The following GRIN2B variants were observed in gnomAD, a reference collection of about 807,000 sequenced individuals.
The protein encoded by GRIN2B is glutamate receptor ionotropic, NMDA 2B.
Under a neutral mutation model 114.5 loss-of-function variants are expected in GRIN2B, and 5 were observed. The ratio of observed to expected loss-of-function variants is 0.04; its 90% CI spans 0.02 to 0.09. The LOEUF (loss-of-function observed/expected upper bound fraction) is 0.09. Among genes scored for constraint, GRIN2B ranks in the 10% least tolerant of loss-of-function variants. The pLI is 1.00. For synonymous variants in GRIN2B, 787 were observed against 745.1 expected, an observed-to-expected ratio of 1.06 and a Z score of -0.92; for missense variants, 1,108 against 1,943.5, an observed-to-expected ratio of 0.57 and a Z score of 8.08.
At chr12:13,809,360 T>G (rs898448346) in intron 3 of GRIN2B, among the ~76,000 whole-genome samples, 3 of 152,210 alleles carry the variant, frequency 2.0e-5, no homozygotes, top group African/African-American at 7.2e-5. Context: ...GTACTAAGCA[T>G]GTGGACATAA....
intron 2 of GRIN2B, among the ~76,000 whole-genome samples, chr12:13,870,314 G>A (rs1427136465): frequency 1.3e-5 from 2 of 152,074 alleles, no homozygotes; most frequent in Non-Finnish European, 2.9e-5. Context: ...CAGAAACCAG[G>A]GTGCACCAGA....
At position 13,563,719 on chromosome 12, in the gene GRIN2B, A is replaced by G. The variant is rs1948587348; in HGVS notation, c.3519T>C (p.Cys1173=). The change falls in exon 14 of 14, where the codon TGT becomes TGC. Residue 1173 remains cysteine (C), a synonymous_variant. Transcript: ENST00000609686. ...KRDSVSGGGP[C]TNRSHIKHGT... ...CGTGCTTGATGTGAGACCTGTTGGT[A>G]CAGGGCCCTCCTCCGCTGACGGAGT... is the stretch of plus-strand genomic sequence containing the variant. The G allele has an allele frequency of 1.9e-6, 3 of 1,613,688 alleles. No individual in the cohort carries two copies. The African/African-American group carries it at 4.0e-5, about 21-fold the overall frequency.
At chr12:13,690,576 T>A (rs999664822) in intron 4 of GRIN2B, among the ~76,000 whole-genome samples, 3 of 152,194 alleles carry the variant, frequency 2.0e-5, no homozygotes, top group Non-Finnish European at 2.9e-5. Flanking sequence ...TCCCTTTTGA[T>A]GTTTTTCTCA....
intron 3 of GRIN2B, among the ~76,000 whole-genome samples, chr12:13,812,930 A>ATTT (rs34773248): frequency 0.089 from 10,516 of 118,224 alleles, 571 homozygotes; most frequent in South Asian, 0.16. Flanking sequence ...AGTTTTGGGA[A>ATTT]TTTTTTTTTT....
chr12:13,885,551 C>T (rs1459449058), intron 2 of GRIN2B, among the ~76,000 whole-genome samples: 2 of 152,110 alleles, frequency 1.3e-5, no homozygotes, highest in South Asian at 2.1e-4. Flanking sequence ...TGTGTTCTTC[C>T]CTCACTGCCC....
chr12:13,858,667 CTTTT>C (rs142849157), intron 3 of GRIN2B, among the ~76,000 whole-genome samples: 2 of 151,972 alleles, frequency 1.3e-5, no homozygotes, highest in African/African-American at 4.8e-5. Flanking sequence ...TAATAATTCA[CTTTT>C]TTTTAACATA....
intron 2 of GRIN2B, among the ~76,000 whole-genome samples, chr12:13,930,720 C>A (rs1196525612): frequency 6.6e-6 from 1 of 152,148 alleles, no homozygotes; most frequent in East Asian, 1.9e-4. Context: ...TGACATCAAT[C>A]CCCGAGTGAC....
At chr12:13,599,931 C>T (rs1949132312) in intron 10 of GRIN2B, among the ~76,000 whole-genome samples, 1 of 152,212 alleles carries the variant, frequency 6.6e-6, no homozygotes, top group Admixed American at 6.5e-5. Context: ...CATTCCAAAT[C>T]TGAAAGGACA....
intron 5 of GRIN2B, among the ~76,000 whole-genome samples, chr12:13,639,469 C>T (rs984715142): frequency 2.0e-5 from 3 of 152,158 alleles, no homozygotes; most frequent in Non-Finnish European, 4.4e-5. Flanking sequence ...TAGGTCACTT[C>T]TCAACGTTCA....
chr12:13,775,795 G>A (rs1308558347), intron 3 of GRIN2B, among the ~76,000 whole-genome samples: 1 of 152,090 alleles, frequency 6.6e-6, no homozygotes, highest in African/African-American at 2.4e-5. Context: ...TAGGATTACA[G>A]GGAGGCTAAA....
chr12:13,931,550 T>C (rs1775826344), intron 2 of GRIN2B, among the ~76,000 whole-genome samples: 1 of 152,208 alleles, frequency 6.6e-6, no homozygotes, highest in Non-Finnish European at 1.5e-5. Context: ...ACTGCATCCA[T>C]ATCCATGGCG....
rs529421718 is a variant in GRIN2B at position 13,940,686 on chromosome 12, C to T, written c.-19+39242G>A. 3.3e-5 allele frequency among the ~76,000 whole-genome samples: 5 copies of T among 152,200 alleles called. No individual in the cohort carries two copies. The East Asian group carries it at 9.7e-4, about 29-fold the overall frequency. The stretch of plus-strand genomic sequence containing the variant: ...CCCTATGGCTGGAAATCATTAAACA[C>T]TCAACCATGGGAAATAACAGGTGGC... On this transcript the variant is annotated intron_variant, in intron 2 of 13. Transcript: ENST00000609686.
Position 13,540,447 on chromosome 12 carries a change from T to C in GRIN2B, c.*22336A>G, listed in dbSNP as rs1054053829. ...TGAACAAGTCCAAACTGGAAATCTA[T>C]ACAGCTCACAAAAAAGCCCTCCACC... On this transcript the variant is annotated 3_prime_UTR_variant, in exon 14 of 14. Transcript: ENST00000609686. 1.3e-5 allele frequency: 2 copies of C among 152,006 alleles called. No individual in the cohort carries two copies. Among genetic ancestry groups the C allele is most frequent in the Non-Finnish European group, 2.9e-5 (2 of 67,994 alleles). The allele number at this position is 152,006 out of a possible 1,614,324, so 9.4% of individuals were successfully genotyped here.
chr12:13,610,897 A>C (rs1240343241), intron 9 of GRIN2B, among the ~76,000 whole-genome samples: 1 of 152,220 alleles, frequency 6.6e-6, no homozygotes. Flanking sequence ...ATGTGTAGCC[A>C]GGTTTAAGAA....
intron 3 of GRIN2B, among the ~76,000 whole-genome samples, chr12:13,767,291 C>T (rs1215209519): frequency 6.6e-6 from 1 of 150,602 alleles, no homozygotes; most frequent in African/African-American, 2.4e-5. Flanking sequence ...TATTCTAATG[C>T]CAAATTTTCC....
intron 2 of GRIN2B, among the ~76,000 whole-genome samples, chr12:13,871,637 T>C (rs1281981969): frequency 1.4e-5 from 2 of 141,438 alleles, no homozygotes; most frequent in Non-Finnish European, 3.1e-5. Context: ...AACAAGAAAA[T>C]AACAAATGAA....
chr12:13,645,532 C>T (rs553776060), intron 5 of GRIN2B, among the ~76,000 whole-genome samples: 26 of 152,216 alleles, frequency 1.7e-4, no homozygotes, highest in African/African-American at 6.0e-4. Context: ...TAGACTTGCT[C>T]TACCCAGGAC....
intron 4 of GRIN2B, among the ~76,000 whole-genome samples, chr12:13,677,501 A>C (rs1361623744): frequency 1.3e-5 from 2 of 152,184 alleles, no homozygotes; most frequent in Non-Finnish European, 2.9e-5. Context: ...TCACAAATGC[A>C]ATCAAGAACA....
chr12:13,947,289 A>G (rs1284588174), intron 2 of GRIN2B, among the ~76,000 whole-genome samples: 2 of 152,190 alleles, frequency 1.3e-5, no homozygotes, highest in African/African-American at 2.4e-5. Context: ...TGTCTACAAC[A>G]CCATTGATAG....
Sources: gnomAD v4.1 joint callset for allele counts (sites outside exome capture counted in the v4.1 genomes callset) on GRCh38, gnomAD v4.1.1 for gene constraint, MANE v1.5 for transcripts, NCBI Gene and HGNC (gene_info 2026-07-23, HGNC 2026-07-21) for gene names.